Variants in ADRA1B observed in about 807,000 individuals in gnomAD.
ADRA1B encodes alpha-1B adrenergic receptor.
In ADRA1B, 17 loss-of-function variants were observed where a neutral mutation model predicts 17.9. The observed-to-expected ratio is 0.95, with a 90% CI of 0.65 to 1.42. ADRA1B has a LOEUF of 1.42. Among genes scored for constraint, ADRA1B ranks in the 40% most tolerant of loss-of-function variants. The pLI is 0.00. For missense variants in ADRA1B, 681 were observed against 722.1 expected (o/e 0.94, Z 0.65); for synonymous variants, 366 against 327.6 (o/e 1.12, Z -1.27).
chr5:159,950,605 GC>G, intron 1 of ADRA1B: 1 of 967,902 alleles, frequency 1.0e-6, no homozygotes, highest in Non-Finnish European at 1.7e-6. Flanking sequence ...GGCAATGCCG[GC>G]CCCAGCATCA....
At chr5:159,874,969 C>T (rs1236085249) in intron 1 of ADRA1B, among the ~76,000 whole-genome samples, 1 of 152,112 alleles carries the variant, frequency 6.6e-6, no homozygotes, top group Non-Finnish European at 1.5e-5. Flanking sequence ...ACTGAGAATT[C>T]GTGCTCCTAG....
chr5:159,987,288 G>T, the ADRA1B span, among the ~76,000 whole-genome samples: 6 of 152,372 alleles, frequency 3.9e-5, no homozygotes, highest in South Asian at 1.2e-3. Flanking sequence ...TCCTCCTGCG[G>T]CGGGGGCGCC....
In ADRA1B at chr5:159,944,717, G is replaced by A. The variant is rs574843821; in HGVS notation, c.949+26863G>A. Reference sequence around the variant, plus strand: ...ACAACAACCCTGGGGGAGATGGGGGGTTGGGGGAGAAGCTTGTTATTAGCC... The same window carrying A: ...ACAACAACCCTGGGGGAGATGGGGGATTGGGGGAGAAGCTTGTTATTAGCC... On this transcript the variant is annotated intron_variant, in intron 1 of 1. Coordinates refer to ENST00000306675, the MANE Select transcript of ADRA1B (RefSeq NM_000679.4). 2.0e-5 allele frequency among the ~76,000 whole-genome samples: 3 copies of A among 152,042 alleles called. No individual in the cohort carries two copies. The South Asian group carries it at 6.2e-4, about 32-fold the overall frequency.
intron 1 of ADRA1B, among the ~76,000 whole-genome samples, chr5:159,899,290 G>GGAAGGAAGGAAGGAAGGAAGGAAGGAAA (rs1754074244): frequency 6.7e-6 from 1 of 150,282 alleles, no homozygotes; most frequent in Non-Finnish European, 1.5e-5. Context: ...AAGGAAGGAA[G>GGAAGGAAGGAAGGAAGGAAGGAAGGAAA]GAAGGAAGGA....
intron 1 of ADRA1B, among the ~76,000 whole-genome samples, chr5:159,891,723 T>C (rs1208805903): frequency 1.3e-5 from 2 of 152,178 alleles, no homozygotes; most frequent in African/African-American, 4.8e-5. Flanking sequence ...GGTCTTCAGC[T>C]GTAGGCCAGG....
At chr5:159,939,252 G>GGA (rs67704328) in intron 1 of ADRA1B, among the ~76,000 whole-genome samples, 5,789 of 98,732 alleles carry the variant, frequency 0.059, 191 homozygotes, top group Non-Finnish European at 0.063. Flanking sequence ...TTTCTTTGAA[G>GGA]GAGAGAGAGA....
intron 1 of ADRA1B, among the ~76,000 whole-genome samples, chr5:159,941,840 CAG>C (rs1452672239): frequency 6.6e-6 from 1 of 150,690 alleles, no homozygotes; most frequent in East Asian, 1.9e-4. Context: ...GGCAAATGCA[CAG>C]AGAGAGAAAG....
chr5:159,978,739 A>G, the ADRA1B span, among the ~76,000 whole-genome samples: 2 of 152,198 alleles, frequency 1.3e-5, no homozygotes, highest in African/African-American at 4.8e-5. Flanking sequence ...CAGCATCTTC[A>G]CAAGAGATTT....
chr5:159,952,110 G>A (rs983162229), intron 1 of ADRA1B, among the ~76,000 whole-genome samples: 4 of 152,278 alleles, frequency 2.6e-5, no homozygotes, highest in African/African-American at 9.6e-5. Context: ...TCAGTCCCCT[G>A]TGTAATCTGC....
intron 1 of ADRA1B, among the ~76,000 whole-genome samples, chr5:159,961,699 C>T (rs1755666846): frequency 6.6e-6 from 1 of 152,216 alleles, no homozygotes; most frequent in Non-Finnish European, 1.5e-5. Context: ...ACAGTTTCTC[C>T]ACCCACTGAC....
intron 1 of ADRA1B, among the ~76,000 whole-genome samples, chr5:159,966,009 A>G (rs1180371918): frequency 6.6e-6 from 1 of 152,118 alleles, no homozygotes; most frequent in East Asian, 1.9e-4. Context: ...TCCTGACCTC[A>G]GGTAATCCGC....
chr5:159,907,496 T>C (rs956346228), intron 1 of ADRA1B, among the ~76,000 whole-genome samples: 9 of 122,216 alleles, frequency 7.4e-5, no homozygotes. Flanking sequence ...TTCAGGGCAA[T>C]TTATGTCAGA....
At chr5:159,906,424 T>C (rs1424621578) in intron 1 of ADRA1B, among the ~76,000 whole-genome samples, 1 of 152,190 alleles carries the variant, frequency 6.6e-6, no homozygotes, top group Non-Finnish European at 1.5e-5. Context: ...AAAGTGGGGA[T>C]GTTGGACCAA....
chr5:159,917,286 G>T lies in ADRA1B; in HGVS notation c.381G>T (p.Leu127=). 6.2e-7 allele frequency: 1 copy of T among 1,614,096 alleles called. No homozygotes were observed. The highest frequency in any genetic ancestry group is 8.5e-7 in the Non-Finnish European group (1 of 1,180,030). The change falls in exon 1 of 2, where the codon CTG becomes CTT. Residue 127 remains leucine, a synonymous_variant. Transcript: ENST00000306675. ...FCDIWAAVDV[L]CCTASILSLC... ...ACATCTGGGCAGCCGTGGATGTCCT[G>T]TGCTGCACAGCGTCCATTCTGAGCC...
At chr5:159,871,046 T>C (rs564698925) in intron 1 of ADRA1B, 3 of 152,220 alleles carry the variant, frequency 2.0e-5, no homozygotes, top group Non-Finnish European at 4.4e-5. Flanking sequence ...GGAGGAGTAG[T>C]TGTGGCCATG....
intron 1 of ADRA1B, among the ~76,000 whole-genome samples, chr5:159,890,676 A>G (rs1753973711): frequency 6.6e-6 from 1 of 152,218 alleles, no homozygotes; most frequent in Non-Finnish European, 1.5e-5. Context: ...CTTACACATG[A>G]CACCTGGGCT....
chr5:159,892,162 G>A (rs1044181490), intron 1 of ADRA1B, among the ~76,000 whole-genome samples: 6 of 152,218 alleles, frequency 3.9e-5, no homozygotes, highest in Non-Finnish European at 5.9e-5. Flanking sequence ...GCTTGAACCC[G>A]GGAGGTGGAG....
intron 1 of ADRA1B, among the ~76,000 whole-genome samples, chr5:159,934,464 G>C (rs550969827): frequency 9.9e-5 from 15 of 152,030 alleles, no homozygotes; most frequent in African/African-American, 2.9e-4. Flanking sequence ...AGACACCCTT[G>C]TTAGCTCTTC....
At chr5:159,869,054 A>T (rs1753701783) in intron 1 of ADRA1B, 1 of 152,234 alleles carries the variant, frequency 6.6e-6, no homozygotes, top group East Asian at 1.9e-4. Flanking sequence ...ATTAAACAAC[A>T]TATTGTAGAG....
Sources: gnomAD v4.1 joint callset for allele counts (sites outside exome capture counted in the v4.1 genomes callset) on GRCh38, gnomAD v4.1.1 for gene constraint, MANE v1.5 for transcripts, NCBI Gene and HGNC (gene_info 2026-07-23, HGNC 2026-07-21) for gene names.